FANCD2: variants seen among roughly 807,000 people sequenced by gnomAD.
FANCD2 encodes Fanconi anemia group D2 protein.
A neutral mutation model predicts 192.3 loss-of-function variants in FANCD2; 131 were observed. The observed-to-expected ratio is 0.68, with a 90% CI of 0.59 to 0.79. The LOEUF (loss-of-function observed/expected upper bound fraction) is 0.79. Among genes scored for constraint, FANCD2 ranks in the 30% least tolerant of loss-of-function variants. FANCD2 has a pLI of 0.00. For synonymous variants in FANCD2, 524 were observed against 612.5 expected (o/e 0.86, Z 2.13); for missense variants, 1,508 against 1,701.6 (o/e 0.89, Z 2.00).
In FANCD2 at chr3:10,039,505, A is replaced by G; in HGVS notation, c.570+148A>G. 11 of 907,490 alleles carry G rather than the reference A, an allele frequency of 1.2e-5. No homozygotes were observed. In the South Asian group the frequency reaches 1.7e-4, roughly 14 times the overall value. The allele number at this position is 907,490 out of a possible 1,614,324, so 56.2% of individuals were successfully genotyped here. On this transcript the variant is annotated intron_variant, in intron 8 of 43. Coordinates refer to ENST00000675286, the MANE Select transcript of FANCD2 (RefSeq NM_001018115.3). ...CCAATTTTCATAATTTGAGAATCAT[A>G]GATACTTCACCCTTTAAATTTCAGA...
Position 10,033,698 on chromosome 3 carries a change from C to CTTTTTTTT in FANCD2, c.205+739_205+746dup, listed in dbSNP as rs34115008. On this transcript the variant is annotated intron_variant, in intron 3 of 43. Transcript: ENST00000675286. ...TGGCTATCTGCTATCAAAGCTAAGT[C>CTTTTTTTT]TTTTTTTTTTTTTTTTTTTTGAGAC... 3.0e-3 allele frequency among the ~76,000 whole-genome samples: 267 copies of CTTTTTTTT among 89,360 alleles called. 13 individuals carry two copies. Among genetic ancestry groups the CTTTTTTTT allele is most frequent in the African/African-American group, 4.8e-3 (101 of 21,128 alleles). 58.6% of individuals were successfully genotyped at this position (89,360 alleles called of 152,430 possible).
At chr3:10,031,953 TCTC>T (rs968317467) in intron 2 of FANCD2, among the ~76,000 whole-genome samples, 2 of 152,106 alleles carry the variant, frequency 1.3e-5, no homozygotes, top group Non-Finnish European at 2.9e-5. Context: ...TTCAAGTGAT[TCTC>T]CTCCTCAGCC....
At chr3:10,040,882 C>T (rs2086847020) in intron 9 of FANCD2, 1 of 167,032 alleles carries the variant, frequency 6.0e-6, no homozygotes, top group Admixed American at 6.5e-5. Context: ...TTTGTATAGT[C>T]TTTTTTTTTT....
chr3:10,074,478 G>A (rs575404713), intron 28 of FANCD2, 52 bp from the exon 29 acceptor site: 46 of 1,499,202 alleles, frequency 3.1e-5, no homozygotes, highest in African/African-American at 1.8e-4. Context: ...ATTAAAATTC[G>A]ATTAATATAG....
chr3:10,055,913 C>G (rs6802260), intron 18 of FANCD2, among the ~76,000 whole-genome samples: 34,219 of 152,074 alleles, frequency 0.23, 4,965 homozygotes, highest in African/African-American at 0.42. Context: ...GAGTCTCACT[C>G]TGTCGCCCAG....
At chr3:10,057,309 A>G (rs1265569596) in intron 18 of FANCD2, among the ~76,000 whole-genome samples, 1 of 151,976 alleles carries the variant, frequency 6.6e-6, no homozygotes, top group Non-Finnish European at 1.5e-5. Context: ...TTGATGCACT[A>G]AAGTATTTAG....
At chr3:10,081,276 T>C (rs781344307) in intron 31 of FANCD2, 48 bp downstream of exon 31, 1 of 1,613,458 alleles carries the variant, frequency 6.2e-7, no homozygotes, top group African/African-American at 1.3e-5. Flanking sequence ...GAGGTTTCAT[T>C]TTTGGCTGAG....
intron 43 of FANCD2, chr3:10,099,052 G>A: frequency 6.3e-7 from 1 of 1,592,190 alleles, no homozygotes; most frequent in East Asian, 2.3e-5. Context: ...TTATAGAGTT[G>A]ACAATTTTCT....
intron 26 of FANCD2, among the ~76,000 whole-genome samples, chr3:10,070,296 C>A (rs1693134333): frequency 6.7e-6 from 1 of 149,952 alleles, no homozygotes; most frequent in South Asian, 2.1e-4. Context: ...TGAGGAGCGT[C>A]TCCGCCCGGC....
rs371321981 is a variant in FANCD2, at chr3:10,087,281, CTTT to C, written c.3466+34_3466+36del. The C allele has an allele frequency of 8.9e-3, 11,436 of 1,290,512 alleles. No homozygotes were observed. The highest frequency in any genetic ancestry group is 0.016 in the East Asian group (555 of 35,400). The allele number at this position is 1,290,512 out of a possible 1,614,324, so 79.9% of individuals were successfully genotyped here. Reference sequence around the variant, plus strand: ...AAAAAATTGGTGATGGGCCTAGATCCTTTTTTTTTTTTTTTTTTTAATGAATAG... The same window carrying C: ...AAAAAATTGGTGATGGGCCTAGATCCTTTTTTTTTTTTTTTTAATGAATAG... On this transcript the variant is annotated intron_variant, in intron 34 of 43. Transcript: ENST00000675286.
chr3:10,070,020 C>T (rs1320041902), intron 26 of FANCD2, among the ~76,000 whole-genome samples: 6 of 148,910 alleles, frequency 4.0e-5, no homozygotes, highest in Admixed American at 6.7e-5. Context: ...AAGTGAGGAG[C>T]GTCTCTGCCC....
chr3:10,085,615 G>A (rs1694145560), intron 32 of FANCD2, among the ~76,000 whole-genome samples, 197 bp from the exon 33 acceptor site: 1 of 152,038 alleles, frequency 6.6e-6, no homozygotes, highest in African/African-American at 2.4e-5. Flanking sequence ...TGGTCTCCAT[G>A]TGTTGACCTC....
intron 30 of FANCD2, among the ~76,000 whole-genome samples, chr3:10,079,234 A>T (rs1167419233): frequency 1.3e-5 from 2 of 151,588 alleles, no homozygotes; most frequent in Non-Finnish European, 2.9e-5. Context: ...TTAGAACAAG[A>T]CTCTGTCTCA....
intron 2 of FANCD2, among the ~76,000 whole-genome samples, chr3:10,030,615 G>A (rs1007394524): frequency 6.6e-6 from 1 of 151,990 alleles, no homozygotes; most frequent in Non-Finnish European, 1.5e-5. Flanking sequence ...AACGGAAACT[G>A]TGGGCCGGGC....
At chr3:10,034,106 G>C (rs1428771178) in intron 3 of FANCD2, among the ~76,000 whole-genome samples, 37 of 150,292 alleles carry the variant, frequency 2.5e-4, no homozygotes, top group African/African-American at 8.5e-4. Context: ...GGTGGATCAC[G>C]AGGTCAGGAA....
intron 37 of FANCD2, among the ~76,000 whole-genome samples, chr3:10,091,618 C>T (rs1223113554): frequency 6.6e-6 from 1 of 151,880 alleles, no homozygotes; most frequent in Admixed American, 6.6e-5. Context: ...TACCTCATGC[C>T]AGTTAGCAGG....
intron 23 of FANCD2, among the ~76,000 whole-genome samples, chr3:10,065,164 C>G (rs1000288802): frequency 1.3e-5 from 2 of 152,114 alleles, no homozygotes; most frequent in African/African-American, 4.8e-5. Context: ...TGGCATGCAC[C>G]TATAATCCCA....
At chr3:10,065,302 G>A in intron 23 of FANCD2, 92 bp from the exon 24 acceptor site, 1 of 895,292 alleles carries the variant, frequency 1.1e-6, no homozygotes, top group Non-Finnish European at 1.9e-6. Context: ...AAAAGAAGTT[G>A]TGTTCCCTAT....
intron 11 of FANCD2, 88 bp downstream of exon 11, chr3:10,042,751 C>CT: frequency 9.8e-7 from 1 of 1,025,136 alleles, no homozygotes; most frequent in South Asian, 1.3e-5. Context: ...AGAATACTGA[C>CT]TAATCCGGAT....
Sources: allele counts gnomAD v4.1 joint callset (sites outside exome capture counted in the v4.1 genomes callset), GRCh38; gene constraint gnomAD v4.1.1; transcripts MANE v1.5; gene names NCBI Gene and HGNC (gene_info 2026-07-23, HGNC 2026-07-21).